SPIRE1: variants seen among roughly 807,000 people sequenced by gnomAD.
The protein encoded by SPIRE1 is spire type actin nucleation factor 1.
A neutral mutation model predicts 94.1 loss-of-function variants in SPIRE1; 40 were observed. The observed-to-expected ratio is 0.43, with a 90% confidence interval of 0.33 to 0.55. The LOEUF (loss-of-function observed/expected upper bound fraction) is 0.55, where lower values mean the gene tolerates loss of function less well. Ranked by LOEUF, SPIRE1 falls within the 20% of genes least tolerant of loss-of-function variation. SPIRE1 has a pLI of 0.06. For missense variants in SPIRE1, 838 were observed against 975.2 expected (o/e 0.86, Z 1.87); for synonymous variants, 376 against 371.7 (o/e 1.01, Z -0.13).
chr18:12,492,848 C>T (rs1203987968), intron 8 of SPIRE1, among the ~76,000 whole-genome samples: 5 of 152,016 alleles, frequency 3.3e-5, no homozygotes, highest in Admixed American at 6.6e-5. Context: ...ATTAGATAGG[C>T]GGAAGGATTT....
chr18:12,610,994 G>GCTCCA (rs149805618), intron 2 of SPIRE1, among the ~76,000 whole-genome samples: 20,961 of 151,774 alleles, frequency 0.14, 1,659 homozygotes, highest in African/African-American at 0.2. Flanking sequence ...CTTTACTTAT[G>GCTCCA]CTCCACATCA....
chr18:12,564,589 G>A (rs902905673), intron 2 of SPIRE1, among the ~76,000 whole-genome samples: 1 of 152,188 alleles, frequency 6.6e-6, no homozygotes, highest in African/African-American at 2.4e-5. Flanking sequence ...ATACAGATGA[G>A]AGCAGAGGGC....
chr18:12,657,997 G>A lies in SPIRE1; in HGVS notation c.-131C>T, dbSNP rs1362050467. The A allele has an allele frequency of 2.0e-6, 2 of 994,332 alleles. No homozygotes were observed. The highest frequency in any genetic ancestry group is 2.4e-6 in the Non-Finnish European group (2 of 837,330). 61.6% of individuals were successfully genotyped at this position (994,332 alleles called of 1,614,324 possible). A position where few individuals can be genotyped will look rare whatever the true frequency, so the allele number is the denominator to read the frequency against. On this transcript the variant is annotated 5_prime_UTR_variant, in exon 1 of 17. Transcript: ENST00000409402. ...GCCGCCCAACGCGGCCGCGCGCGCC[G>A]CCGCCGGGACCAGGCGAGTGCCCGG...
At chr18:12,467,491 G>A (rs1256723239) in intron 10 of SPIRE1, among the ~76,000 whole-genome samples, 4 of 152,168 alleles carry the variant, frequency 2.6e-5, no homozygotes, top group Non-Finnish European at 5.9e-5. Flanking sequence ...AGCAGAGAGT[G>A]TCTCTTAGAA....
chr18:12,557,427 A>T (rs2035547795), intron 2 of SPIRE1, among the ~76,000 whole-genome samples: 1 of 152,314 alleles, frequency 6.6e-6, no homozygotes, highest in South Asian at 2.1e-4. Flanking sequence ...CGTTGCTGCC[A>T]GCCACTCCAA....
intron 2 of SPIRE1, among the ~76,000 whole-genome samples, chr18:12,586,843 T>G (rs977386392): frequency 2.0e-5 from 3 of 152,138 alleles, no homozygotes; most frequent in Non-Finnish European, 2.9e-5. Context: ...TGAAGGAAAA[T>G]TATAATGTAG....
At chr18:12,634,014 C>A (rs1297248078) in intron 2 of SPIRE1, among the ~76,000 whole-genome samples, 1 of 152,024 alleles carries the variant, frequency 6.6e-6, no homozygotes. Flanking sequence ...TTTGGGAGGC[C>A]GAGGCGGGCG....
intron 7 of SPIRE1, among the ~76,000 whole-genome samples, chr18:12,493,724 G>C (rs1206823314): frequency 6.6e-6 from 1 of 152,146 alleles, no homozygotes; most frequent in African/African-American, 2.4e-5. Context: ...GAATGTCTAA[G>C]CTCAAGGGGT....
At chr18:12,621,832 G>A (rs2037476939) in intron 2 of SPIRE1, among the ~76,000 whole-genome samples, 1 of 152,082 alleles carries the variant, frequency 6.6e-6, no homozygotes, top group Admixed American at 6.6e-5. Flanking sequence ...TGCATGCTTT[G>A]TGAATTATAT....
chr18:12,604,760 C>CA (rs2036926128), intron 2 of SPIRE1, among the ~76,000 whole-genome samples: 1 of 152,204 alleles, frequency 6.6e-6, no homozygotes, highest in Admixed American at 6.5e-5. Context: ...AATCAGATCA[C>CA]ATCCTGTCAA....
intron 12 of SPIRE1, among the ~76,000 whole-genome samples, chr18:12,456,284 AGAG>A (rs1187045335): frequency 1.3e-5 from 2 of 152,224 alleles, no homozygotes; most frequent in Non-Finnish European, 2.9e-5. Context: ...CCTCAGAAAA[AGAG>A]TAGTGTTAGG....
At chr18:12,449,929 G>A in intron 16 of SPIRE1, 33 bp from the exon 17 acceptor site, 1 of 1,604,706 alleles carries the variant, frequency 6.2e-7, no homozygotes, top group Non-Finnish European at 8.5e-7. Context: ...GCCCAGCATT[G>A]TTACTTATAG....
At chr18:12,520,672 G>C (rs1334409284) in intron 4 of SPIRE1, among the ~76,000 whole-genome samples, 1 of 152,152 alleles carries the variant, frequency 6.6e-6, no homozygotes, top group African/African-American at 2.4e-5. Flanking sequence ...AAAGACATCT[G>C]GTGGTGGATT....
At chr18:12,574,748 A>G (rs899371790) in intron 2 of SPIRE1, among the ~76,000 whole-genome samples, 1 of 152,364 alleles carries the variant, frequency 6.6e-6, no homozygotes, top group Middle Eastern at 3.4e-3. Flanking sequence ...CTAAACATTC[A>G]GTGGCTGGCC....
intron 10 of SPIRE1, among the ~76,000 whole-genome samples, chr18:12,471,910 G>A (rs1018415517): frequency 8.6e-5 from 13 of 151,470 alleles, no homozygotes; most frequent in Non-Finnish European, 1.9e-4. Context: ...TCAGCCTCCC[G>A]AGTAGCTGGG....
At position 12,634,329 on chromosome 18, in the gene SPIRE1, A is replaced by C. The variant is rs181226089; in HGVS notation, c.372+733T>G. On this transcript the variant is annotated intron_variant, in intron 2 of 16. Transcript: ENST00000409402. ...TAACAAAGCACCAAATTTATTATTA[A>C]TCTTACTAAAACATTGTTTCTAAGT... Among the ~76,000 whole-genome samples the C allele has an allele frequency of 6.6e-5, 10 of 151,876 alleles. No individual in the cohort carries two copies. In the East Asian group the frequency reaches 1.9e-3, roughly 29 times the overall value.
chr18:12,499,103 T>C (rs752561909), intron 6 of SPIRE1, among the ~76,000 whole-genome samples: 1 of 152,188 alleles, frequency 6.6e-6, no homozygotes, highest in Non-Finnish European at 1.5e-5. Context: ...CCATTAATGA[T>C]GACATAAGAC....
At chr18:12,631,537 C>G in intron 2 of SPIRE1, among the ~76,000 whole-genome samples, 1 of 78,510 alleles carries the variant, frequency 1.3e-5, no homozygotes, top group Non-Finnish European at 2.8e-5. Context: ...CATAGCAAAA[C>G]CCCATCTCTA....
chr18:12,597,453 A>C (rs919216835), intron 2 of SPIRE1, among the ~76,000 whole-genome samples: 1 of 152,162 alleles, frequency 6.6e-6, no homozygotes, highest in African/African-American at 2.4e-5. Context: ...TATGAGCCAG[A>C]ACAGCTTTCC....
Sources: allele counts gnomAD v4.1 joint callset (sites outside exome capture counted in the v4.1 genomes callset), GRCh38; gene constraint gnomAD v4.1.1; transcripts MANE v1.5; gene names NCBI Gene and HGNC (gene_info 2026-07-23, HGNC 2026-07-21).